NFIL3: variants seen among roughly 807,000 people sequenced by gnomAD.
NFIL3 encodes the protein nuclear factor, interleukin 3 regulated.
NFIL3 carries 5 observed loss-of-function variants against 10.0 expected under a neutral mutation model. The ratio of observed to expected loss-of-function variants is 0.50; its 90% CI spans 0.26 to 1.06. The LOEUF is 1.06. Among genes scored for constraint, NFIL3 ranks in the 50% least tolerant of loss-of-function variants. NFIL3 has a pLI of 0.13. For missense variants in NFIL3, 436 were observed against 547.6 expected (o/e 0.80, Z 2.03); for synonymous variants, 202 against 206.5 (o/e 0.98, Z 0.19).
chr9:91,477,530 A>G, the NFIL3 span, among the ~76,000 whole-genome samples: 1 of 152,122 alleles, frequency 6.6e-6, no homozygotes, highest in Non-Finnish European at 1.5e-5. Context: ...TTAGAATTCC[A>G]CTCACCACAA....
the NFIL3 span, among the ~76,000 whole-genome samples, chr9:91,445,660 G>A: frequency 6.9e-3 from 1,053 of 152,228 alleles, 11 homozygotes; most frequent in African/African-American, 0.023. Flanking sequence ...CACTGGGGGC[G>A]CAAGACTGCT....
the NFIL3 span, among the ~76,000 whole-genome samples, chr9:91,469,460 A>G: frequency 2.6e-5 from 4 of 152,196 alleles, no homozygotes; most frequent in African/African-American, 9.7e-5. Context: ...TAAATATACA[A>G]TCATGTCATC....
At chr9:91,446,884 T>G in the NFIL3 span, among the ~76,000 whole-genome samples, 83 of 152,076 alleles carry the variant, frequency 5.5e-4, no homozygotes, top group African/African-American at 1.9e-3. Context: ...GGCATGGTCT[T>G]GGCTCACAGC....
At chr9:91,455,019 T>C in the NFIL3 span, among the ~76,000 whole-genome samples, 47,627 of 152,018 alleles carry the variant, frequency 0.31, 10,060 homozygotes, top group African/African-American at 0.58. Flanking sequence ...TTGCCTCCAG[T>C]TATTTTGTAC....
At chr9:91,451,603 T>C in the NFIL3 span, among the ~76,000 whole-genome samples, 8 of 152,194 alleles carry the variant, frequency 5.3e-5, no homozygotes, top group African/African-American at 1.9e-4. Context: ...TCCTCAGGAT[T>C]GTATTTGCAG....
At chr9:91,446,114 T>C in the NFIL3 span, among the ~76,000 whole-genome samples, 2 of 152,034 alleles carry the variant, frequency 1.3e-5, no homozygotes, top group Non-Finnish European at 2.9e-5. Context: ...TTAACTAGGA[T>C]CAGAATCTGT....
chr9:91,429,194 A>T, the NFIL3 span, among the ~76,000 whole-genome samples: 16 of 152,210 alleles, frequency 1.1e-4, no homozygotes, highest in South Asian at 2.1e-4. Context: ...TGCACAGGAT[A>T]GTTTACTGGA....
chr9:91,427,547 G>T (rs1429599256), upstream of NFIL3, among the ~76,000 whole-genome samples: 1 of 152,140 alleles, frequency 6.6e-6, no homozygotes, highest in Non-Finnish European at 1.5e-5. Flanking sequence ...GTATGTTTAT[G>T]GACCACCTTG....
At chr9:91,426,901 C>T (rs779109495), upstream of NFIL3, 9 of 152,190 alleles carry the variant, frequency 5.9e-5, no homozygotes, top group Non-Finnish European at 1.2e-4. Flanking sequence ...CAGTGGACCT[C>T]ACTAGGCCGG....
the NFIL3 span, among the ~76,000 whole-genome samples, chr9:91,462,243 C>T: frequency 3.9e-5 from 6 of 152,004 alleles, 1 homozygote; most frequent in South Asian, 1.2e-3. Context: ...ACTGTCAATA[C>T]AATGTTAAAT....
chr9:91,458,242 G>A, the NFIL3 span, among the ~76,000 whole-genome samples: 4 of 152,028 alleles, frequency 2.6e-5, no homozygotes, highest in Non-Finnish European at 4.4e-5. Context: ...ATATTTGGTA[G>A]AACTCACCAG....
intron 1 of NFIL3, among the ~76,000 whole-genome samples, chr9:91,422,188 C>T (rs577435380): frequency 6.6e-6 from 1 of 152,212 alleles, no homozygotes. Flanking sequence ...TCCAGCAAAT[C>T]ACCGGGCGCT....
chr9:91,419,241 C>G (rs1005610524), intron 1 of NFIL3, among the ~76,000 whole-genome samples: 1 of 152,170 alleles, frequency 6.6e-6, no homozygotes, highest in African/African-American at 2.4e-5. Context: ...ATCTGGATTA[C>G]AATGGAAATC....
chr9:91,425,655 A>G (rs983103031), upstream of NFIL3, among the ~76,000 whole-genome samples: 1 of 152,202 alleles, frequency 6.6e-6, no homozygotes, highest in East Asian at 1.9e-4. Flanking sequence ...TACATATATA[A>G]TAATTCAAGA....
chr9:91,438,828 G>A, the NFIL3 span, among the ~76,000 whole-genome samples: 1 of 152,076 alleles, frequency 6.6e-6, no homozygotes, highest in South Asian at 2.1e-4. Flanking sequence ...TACATGTTTG[G>A]ATTTACTTCT....
chr9:91,435,237 T>TA, the NFIL3 span, among the ~76,000 whole-genome samples: 1 of 152,290 alleles, frequency 6.6e-6, no homozygotes, highest in African/African-American at 2.4e-5. Context: ...AGAATTGTGA[T>TA]AAAAACGCTT....
chr9:91,472,684 C>T, the NFIL3 span, among the ~76,000 whole-genome samples: 1 of 152,068 alleles, frequency 6.6e-6, no homozygotes, highest in African/African-American at 2.4e-5. Flanking sequence ...TTATTACTGA[C>T]CTTCTGAAGC....
At chr9:91,436,816 T>C in the NFIL3 span, among the ~76,000 whole-genome samples, 3 of 152,186 alleles carry the variant, frequency 2.0e-5, no homozygotes, top group Admixed American at 6.5e-5. Context: ...TGACAAATGT[T>C]CACTACATCC....
the NFIL3 span, among the ~76,000 whole-genome samples, chr9:91,468,923 C>T: frequency 6.6e-5 from 10 of 152,156 alleles, no homozygotes; most frequent in Admixed American, 1.3e-4. Flanking sequence ...CAGTACCATG[C>T]TGTTTTGGTT....
Sources: allele counts gnomAD v4.1 joint callset (sites outside exome capture counted in the v4.1 genomes callset), GRCh38; gene constraint gnomAD v4.1.1; transcripts MANE v1.5; gene names NCBI Gene and HGNC (gene_info 2026-07-23, HGNC 2026-07-21).